Variants in CAPN7 observed in about 807,000 individuals in gnomAD.
CAPN7 encodes the protein calpain-7.
In CAPN7, 72 loss-of-function variants were observed where a neutral mutation model predicts 115.2. The observed-to-expected ratio is 0.63, with a 90% confidence interval of 0.52 to 0.76. The LOEUF (loss-of-function observed/expected upper bound fraction) is 0.76. Among genes scored for constraint, CAPN7 ranks in the 30% least tolerant of loss-of-function variants. The pLI is 0.00. For missense variants in CAPN7, 905 were observed against 971.5 expected, an observed-to-expected ratio of 0.93 and a Z score of 0.91; for synonymous variants, 344 against 322.3, an observed-to-expected ratio of 1.07 and a Z score of -0.72.
intron 19 of CAPN7, 40 bp from the exon 20 acceptor site, chr3:15,250,891 T>C: frequency 7.6e-7 from 1 of 1,321,736 alleles, no homozygotes; most frequent in Non-Finnish European, 1.1e-6. Flanking sequence ...CGTTTGAGAA[T>C]ATATATTAAT....
At position 15,240,570 on chromosome 3, in the gene CAPN7, A is replaced by G; in HGVS notation, c.1505A>G (p.Gln502Arg). 1.2e-6 allele frequency: 2 copies of G among 1,612,586 alleles called. No homozygotes were observed. Among genetic ancestry groups the G allele is most frequent in the Non-Finnish European group, 1.7e-6 (2 of 1,179,606 alleles). Residue 502 changes from glutamine to arginine, a missense_variant, in exon 13 of 21, where the codon CAA becomes CGA. By Grantham distance (43) the Gln-to-Arg change is conservative. This residue lies in a region of CAPN7 where 620 missense variants were observed against 703.4 expected (regional missense o/e 0.88). Coordinates refer to ENST00000253693, the MANE Select transcript of CAPN7 (RefSeq NM_014296.3). ...GTAAAAAACTGGACTCCAGAGTTGC[A>G]AAAGTATTTAAACTTTGATCCCCGA... Reference protein sequence around the residue: ...NDVKNWTPELQKYLNFDPRTA... With the variant: ...NDVKNWTPELRKYLNFDPRTA...
intron 8 of CAPN7, among the ~76,000 whole-genome samples, chr3:15,229,366 A>G (rs1694528532): frequency 6.6e-6 from 1 of 152,186 alleles, no homozygotes; most frequent in African/African-American, 2.4e-5. Flanking sequence ...CACTAGCCAC[A>G]TGTGGCTATA....
chr3:15,211,014 C>T (rs1230044543), intron 1 of CAPN7: 1 of 867,846 alleles, frequency 1.2e-6, no homozygotes. Context: ...GGAAACACCA[C>T]CTTCTAGCCA....
chr3:15,241,678 T>A, intron 15 of CAPN7, 90 bp downstream of exon 15: 1 of 1,030,794 alleles, frequency 9.7e-7, no homozygotes. Flanking sequence ...ACCAGCCTGT[T>A]TAATTTACAT....
intron 6 of CAPN7, among the ~76,000 whole-genome samples, chr3:15,226,755 A>G (rs1310724529): frequency 1.3e-5 from 2 of 152,278 alleles, no homozygotes; most frequent in African/African-American, 4.8e-5. Context: ...TAAAGTCTAG[A>G]GGTGTCCTTC....
intron 15 of CAPN7, 99 bp from the exon 16 acceptor site, chr3:15,242,079 G>T: frequency 1.4e-6 from 1 of 739,674 alleles, no homozygotes; most frequent in Middle Eastern, 2.3e-4. Context: ...GAGATTTTTT[G>T]TGGAGAGATT....
chr3:15,236,411 T>C (rs1694994372), intron 12 of CAPN7, among the ~76,000 whole-genome samples: 1 of 152,192 alleles, frequency 6.6e-6, no homozygotes, highest in South Asian at 2.1e-4. Context: ...AAAAAGATTA[T>C]TAAACAAGTA....
chr3:15,246,782 C>T lies in CAPN7; in HGVS notation c.2061C>T (p.Thr687=). 2 of 1,602,232 alleles carry T rather than the reference C, an allele frequency of 1.2e-6. No homozygotes were observed. ...FTFSKIPSPY[T]LSKRINGKWS... ...TTTCAAAGATTCCTTCACCATACAC[C>T]TTATCAAAACGGGTGAGAAAATTCA... is the stretch of plus-strand genomic sequence containing the variant. The change falls in exon 18 of 21, where the codon ACC becomes ACT. Residue 687 remains threonine, a synonymous_variant. Coordinates refer to ENST00000253693, the MANE Select transcript of CAPN7 (RefSeq NM_014296.3).
In CAPN7 at chr3:15,250,804, GTGTA is replaced by G. The variant is rs1321566612; in HGVS notation, c.2205-123_2205-120del. The G allele has an allele frequency of 9.4e-6, 6 of 638,524 alleles. No individual in the cohort carries two copies. The African/African-American group carries it at 1.6e-4, about 17-fold the overall frequency. 39.6% of individuals were successfully genotyped at this position (638,524 alleles called of 1,614,324 possible). ...GGTGTGTTATGATCAAAAATAGAGT[GTGTA>G]TGTTTCTACTGAAACTTCAGAAACA... On this transcript the variant is annotated intron_variant, in intron 19 of 20. Coordinates refer to ENST00000253693, the MANE Select transcript of CAPN7 (RefSeq NM_014296.3).
chr3:15,241,953 C>T (rs1243502041), intron 15 of CAPN7, among the ~76,000 whole-genome samples: 1 of 152,118 alleles, frequency 6.6e-6, no homozygotes, highest in African/African-American at 2.4e-5. Flanking sequence ...TCTTAATAGC[C>T]TCCGAATCTT....
At chr3:15,211,590 CA>C (rs200130864) in intron 1 of CAPN7, among the ~76,000 whole-genome samples, 178 of 141,146 alleles carry the variant, frequency 1.3e-3, no homozygotes, top group Middle Eastern at 3.5e-3. Flanking sequence ...TTGAAAAAGC[CA>C]AAAAAAAAAA....
intron 2 of CAPN7, among the ~76,000 whole-genome samples, chr3:15,212,583 A>G (rs1213487133): frequency 6.6e-6 from 1 of 152,192 alleles, no homozygotes; most frequent in African/African-American, 2.4e-5. Flanking sequence ...TTCAGTGTTT[A>G]CAGACTTCAG....
chr3:15,242,672 C>T (rs1278969014), intron 16 of CAPN7, among the ~76,000 whole-genome samples: 1 of 152,190 alleles, frequency 6.6e-6, no homozygotes, highest in African/African-American at 2.4e-5. Flanking sequence ...ATAGTTGCTA[C>T]TCCAGAATAC....
At position 15,247,357 on chromosome 3, in the gene CAPN7, G is replaced by A. The variant is rs1695725461; in HGVS notation, c.2104G>A (p.Gly702Arg). The A allele has an allele frequency of 6.2e-7, 1 of 1,607,766 alleles. No individual in the cohort carries two copies. The highest frequency in any genetic ancestry group is 1.3e-5 in the African/African-American group (1 of 74,262). Residue 702 changes from glycine to arginine, a missense_variant, in exon 19 of 21, where the codon GGA becomes AGA. Coordinates refer to ENST00000253693, the MANE Select transcript of CAPN7 (RefSeq NM_014296.3). The part of the protein sequence containing the change: ...INGKWSGQSA[G>R]GCGNFQETHK... ...TGGAAAGTGGAGTGGTCAGAGTGCT[G>A]GAGGATGTGGAAATTTCCAAGAGAC... is the stretch of plus-strand genomic sequence containing the variant.
intron 15 of CAPN7, 60 bp from the exon 16 acceptor site, chr3:15,242,118 A>G (rs996694198): frequency 9.1e-7 from 1 of 1,103,244 alleles, no homozygotes; most frequent in African/African-American, 1.6e-5. Context: ...AGATTTAAAA[A>G]GAAAATAAAT....
chr3:15,229,822 T>C (rs1006180994), intron 8 of CAPN7, among the ~76,000 whole-genome samples: 13 of 152,166 alleles, frequency 8.5e-5, no homozygotes, highest in Admixed American at 2.6e-4. Context: ...TGAAATACTT[T>C]TTCAGTTTTT....
intron 4 of CAPN7, among the ~76,000 whole-genome samples, 163 bp from the exon 5 acceptor site, chr3:15,220,618 T>C (rs906520448): frequency 6.6e-6 from 1 of 152,254 alleles, no homozygotes; most frequent in Non-Finnish European, 1.5e-5. Context: ...TGCTTATCTT[T>C]GGAAGTAGCT....
chr3:15,237,707 C>A (rs1014336067), intron 12 of CAPN7, among the ~76,000 whole-genome samples: 4 of 152,136 alleles, frequency 2.6e-5, no homozygotes, highest in Non-Finnish European at 5.9e-5. Flanking sequence ...CCGTGGGTCA[C>A]CCCTATAATC....
At chr3:15,206,975 C>T (rs1405349852) in intron 1 of CAPN7, among the ~76,000 whole-genome samples, 1 of 152,170 alleles carries the variant, frequency 6.6e-6, no homozygotes, top group African/African-American at 2.4e-5. Context: ...AATGCATGCT[C>T]GTTAAATAAA....
Sources: gnomAD v4.1 joint callset for allele counts (sites outside exome capture counted in the v4.1 genomes callset) on GRCh38, gnomAD v4.1.1 for gene constraint, gnomAD v4.1.1 regional missense constraint, MANE v1.5 for transcripts, NCBI Gene and HGNC (gene_info 2026-07-23, HGNC 2026-07-21) for gene names.